The following SVIL variants were observed in gnomAD, a reference collection of about 807,000 sequenced individuals.
SVIL encodes the protein archvillin.
SVIL carries 101 observed loss-of-function variants against 240.4 expected under a neutral mutation model. The ratio of observed to expected loss-of-function variants is 0.42; its 90% CI spans 0.36 to 0.50. The LOEUF (loss-of-function observed/expected upper bound fraction) is 0.50. Among genes scored for constraint, SVIL ranks in the 20% least tolerant of loss-of-function variants. SVIL has a pLI of 0.01. For missense variants in SVIL, 2,512 were observed against 2,818.7 expected (o/e 0.89, Z 2.46); for synonymous variants, 999 against 1,100.0 (o/e 0.91, Z 1.82).
chr10:29,469,161 TG>T (rs576872824), intron 32 of SVIL: 135 of 152,354 alleles, frequency 8.9e-4, no homozygotes, highest in African/African-American at 3.1e-3. Flanking sequence ...TTTTCCTCAG[TG>T]GTCCAAGTAA....
chr10:29,624,934 C>G lies in SVIL; in HGVS notation c.-201+9486G>C, dbSNP rs1345564375. ...GTTGAAATGTTTAAGGCCCCATGAA[C>G]CAAGCAATCTCTTTCAACTTGGGCA... On this transcript the variant is annotated intron_variant, in intron 1 of 37. Coordinates refer to ENST00000355867, the MANE Select transcript of SVIL (RefSeq NM_021738.3). 2.0e-5 allele frequency among the ~76,000 whole-genome samples: 3 copies of G among 152,120 alleles called. No individual in the cohort carries two copies. The East Asian group carries it at 5.8e-4, about 29-fold the overall frequency.
At chr10:29,664,691 T>TATAC (rs1554889587) in intron 2 of SVIL, among the ~76,000 whole-genome samples, 81 of 150,394 alleles carry the variant, frequency 5.4e-4, no homozygotes, top group African/African-American at 1.6e-3. Context: ...TATATATATA[T>TATAC]ACACACACAC....
intron 1 of SVIL, among the ~76,000 whole-genome samples, chr10:29,626,981 G>A (rs934592825): frequency 1.3e-5 from 2 of 152,008 alleles, no homozygotes; most frequent in African/African-American, 2.4e-5. Flanking sequence ...CCGAGATTGC[G>A]CCACTGAGCT....
intron 1 of SVIL, among the ~76,000 whole-genome samples, chr10:29,617,591 A>C (rs1224224410): frequency 6.9e-6 from 1 of 144,988 alleles, no homozygotes; most frequent in African/African-American, 2.5e-5. Flanking sequence ...AAAAAAAAAA[A>C]GAAAGAAAGA....
chr10:29,579,045 T>C (rs1379624885), intron 1 of SVIL, among the ~76,000 whole-genome samples: 1 of 152,224 alleles, frequency 6.6e-6, no homozygotes, highest in East Asian at 1.9e-4. Context: ...CTATTTCACC[T>C]ACTTCGTTAC....
chr10:29,466,188 T>A (rs1944892675), intron 33 of SVIL, among the ~76,000 whole-genome samples: 1 of 151,696 alleles, frequency 6.6e-6, no homozygotes. Context: ...TATACACAGA[T>A]ATATGTATGT....
intron 1 of SVIL, among the ~76,000 whole-genome samples, chr10:29,708,373 C>G (rs1171886234): frequency 6.6e-6 from 1 of 151,770 alleles, no homozygotes; most frequent in African/African-American, 2.4e-5. Context: ...GTAATCCCAG[C>G]ACTTTGGGAG....
At chr10:29,545,622 C>T (rs1198029946) in intron 6 of SVIL, among the ~76,000 whole-genome samples, 9 of 151,854 alleles carry the variant, frequency 5.9e-5, no homozygotes, top group Admixed American at 5.2e-4. Context: ...TTTAGGACGC[C>T]GAGGTGGGCG....
intron 1 of SVIL, among the ~76,000 whole-genome samples, chr10:29,709,589 A>T (rs1341644558): frequency 6.6e-6 from 1 of 152,140 alleles, no homozygotes. Context: ...GGAGGAAGCG[A>T]CTTTTCTCCT....
In SVIL at chr10:29,550,680, G is replaced by A. The variant is rs555046554; in HGVS notation, c.744C>T (p.His248=). 8.7e-6 allele frequency: 14 copies of A among 1,614,082 alleles called. No homozygotes were observed. Among genetic ancestry groups the A allele is most frequent in the South Asian group, 4.4e-5 (4 of 91,078 alleles). The change falls in exon 6 of 38, where the codon CAC becomes CAT. Residue 248 remains histidine, a synonymous_variant. Transcript: ENST00000355867. ...SFTEVPRSPK[H]AHSSSLQQAA... Reference sequence around the variant, plus strand: ...CCTGCTGCAGGGAGGAGCTGTGGGCGTGCTTGGGGGACCGTGGCACTTCAG... The same window carrying A: ...CCTGCTGCAGGGAGGAGCTGTGGGCATGCTTGGGGGACCGTGGCACTTCAG...
At chr10:29,612,985 G>A (rs555446200) in intron 1 of SVIL, among the ~76,000 whole-genome samples, 11 of 152,070 alleles carry the variant, frequency 7.2e-5, no homozygotes, top group African/African-American at 2.4e-4. Context: ...AGACCATCCC[G>A]GCCAACATGG....
rs188465083 is a variant in SVIL, at chr10:29,498,156, G to A, written c.3664+960C>T. On this transcript the variant is annotated intron_variant, in intron 18 of 37. Coordinates refer to ENST00000355867, the MANE Select transcript of SVIL (RefSeq NM_021738.3). ...ATGGGGGCTGGGCACAGTGGTTCAC[G>A]CCTGTAATCCCAGCACTTTGGGAGG... is the stretch of plus-strand genomic sequence containing the variant. Among the ~76,000 whole-genome samples, 574 of 142,956 alleles carry A rather than the reference G, an allele frequency of 4.0e-3. 4 individuals carry two copies. The highest frequency in any genetic ancestry group is 0.014 in the African/African-American group (546 of 39,342). 93.8% of individuals were successfully genotyped at this position (142,956 alleles called of 152,430 possible).
chr10:29,546,427 G>A (rs890410760), intron 6 of SVIL, among the ~76,000 whole-genome samples: 1 of 152,128 alleles, frequency 6.6e-6, no homozygotes, highest in African/African-American at 2.4e-5. Flanking sequence ...CAGGATTTCT[G>A]AGTTAAAAAT....
At chr10:29,597,589 G>A (rs1028609342) in intron 1 of SVIL, among the ~76,000 whole-genome samples, 4 of 151,864 alleles carry the variant, frequency 2.6e-5, no homozygotes, top group Non-Finnish European at 5.9e-5. Context: ...TAGTAGAGAC[G>A]GGTTTTTGCC....
At chr10:29,727,126 A>G (rs1589588241) in intron 1 of SVIL, among the ~76,000 whole-genome samples, 1 of 152,234 alleles carries the variant, frequency 6.6e-6, no homozygotes, top group Non-Finnish European at 1.5e-5. Flanking sequence ...GTTTCTATAC[A>G]ATTCTAATTT....
chr10:29,692,943 C>G (rs1015495958), intron 1 of SVIL, among the ~76,000 whole-genome samples: 1 of 152,168 alleles, frequency 6.6e-6, no homozygotes, highest in African/African-American at 2.4e-5. Flanking sequence ...TAGTCCTTAA[C>G]CATATATGCC....
chr10:29,564,247 G>A lies in SVIL; in HGVS notation c.-142-955C>T, dbSNP rs866930098. 4.6e-5 allele frequency among the ~76,000 whole-genome samples: 7 copies of A among 152,130 alleles called. No homozygotes were observed. The South Asian group carries it at 6.2e-4, about 14-fold the overall frequency. On this transcript the variant is annotated intron_variant, in intron 2 of 37. Coordinates refer to ENST00000355867, the MANE Select transcript of SVIL (RefSeq NM_021738.3). The stretch of plus-strand genomic sequence containing the variant: ...AGTACCATCCTCAGTTTACAGATCC[G>A]GAAATTGTTACATGATTTGCCCAAA...
intron 30 of SVIL, 118 bp downstream of exon 30, chr10:29,473,720 G>T: frequency 7.3e-7 from 1 of 1,370,710 alleles, no homozygotes; most frequent in Non-Finnish European, 1.0e-6. Context: ...GAAGTGCTTT[G>T]GGTGACGTGG....
chr10:29,500,172 A>G (rs1948764220), intron 17 of SVIL, among the ~76,000 whole-genome samples: 1 of 152,096 alleles, frequency 6.6e-6, no homozygotes, highest in South Asian at 2.1e-4. Flanking sequence ...GACAGGGCTC[A>G]TGCCACTGAG....
Sources: allele counts gnomAD v4.1 joint callset (sites outside exome capture counted in the v4.1 genomes callset), GRCh38; gene constraint gnomAD v4.1.1; transcripts MANE v1.5; gene names NCBI Gene and HGNC (gene_info 2026-07-23, HGNC 2026-07-21).